Variants in PLCB4 observed in about 807,000 individuals in gnomAD.
PLCB4 encodes the protein 1-phosphatidylinositol 4,5-bisphosphate phosphodiesterase beta-4.
A neutral mutation model predicts 178.8 loss-of-function variants in PLCB4; 77 were observed. The observed-to-expected ratio is 0.43, with a 90% CI of 0.36 to 0.52. The LOEUF (loss-of-function observed/expected upper bound fraction) is 0.52. Among genes scored for constraint, PLCB4 ranks in the 20% least tolerant of loss-of-function variants. PLCB4 has a pLI of 0.00. For missense variants in PLCB4, 1,024 were observed against 1,453.4 expected (o/e 0.70, Z 4.80); for synonymous variants, 496 against 490.8 (o/e 1.01, Z -0.14).
At chr20:9,272,340 C>T (rs1439498527) in intron 3 of PLCB4, among the ~76,000 whole-genome samples, 2 of 152,064 alleles carry the variant, frequency 1.3e-5, no homozygotes, top group Non-Finnish European at 2.9e-5. Context: ...GGGCCTTGTA[C>T]CTAAAACATT....
At chr20:9,167,393 A>T (rs1346873113) in intron 2 of PLCB4, among the ~76,000 whole-genome samples, 1 of 152,182 alleles carries the variant, frequency 6.6e-6, no homozygotes, top group Non-Finnish European at 1.5e-5. Context: ...TTTCTTTTTC[A>T]TAATTAGTAA....
intron 1 of PLCB4, among the ~76,000 whole-genome samples, chr20:9,077,693 C>T (rs1176757763): frequency 6.6e-6 from 1 of 152,196 alleles, no homozygotes; most frequent in Non-Finnish European, 1.5e-5. Context: ...ACTCTAGACC[C>T]TTCCCAGCAG....
At chr20:9,417,184 T>C (rs2040308034) in intron 25 of PLCB4, among the ~76,000 whole-genome samples, 1 of 152,098 alleles carries the variant, frequency 6.6e-6, no homozygotes, top group South Asian at 2.1e-4. Context: ...ATTCTTTAAA[T>C]CTATGGTTAT....
At chr20:9,192,992 T>A (rs1477509701) in intron 2 of PLCB4, among the ~76,000 whole-genome samples, 1 of 152,198 alleles carries the variant, frequency 6.6e-6, no homozygotes, top group Non-Finnish European at 1.5e-5. Context: ...TAATCATCTG[T>A]ATGTAAAACA....
intron 4 of PLCB4, among the ~76,000 whole-genome samples, chr20:9,323,793 C>T (rs777891164): frequency 6.6e-6 from 1 of 152,192 alleles, no homozygotes; most frequent in Non-Finnish European, 1.5e-5. Flanking sequence ...CTGCTACAAC[C>T]GGGCCTTTCC....
intron 3 of PLCB4, among the ~76,000 whole-genome samples, chr20:9,278,936 C>T (rs186537850): frequency 6.6e-6 from 1 of 152,190 alleles, no homozygotes; most frequent in East Asian, 1.9e-4. Context: ...GAAAGATTCA[C>T]AGGTCCTGCC....
intron 3 of PLCB4, among the ~76,000 whole-genome samples, chr20:9,235,136 A>G (rs78417307): frequency 0.023 from 3,487 of 152,218 alleles, 140 homozygotes; most frequent in African/African-American, 0.077. Context: ...ATGGATAATG[A>G]AAGTGTGGTA....
chr20:9,204,563 A>G, intron 2 of PLCB4, among the ~76,000 whole-genome samples: 1 of 151,856 alleles, frequency 6.6e-6, no homozygotes, highest in Non-Finnish European at 1.5e-5. Flanking sequence ...GGGTTTTGCC[A>G]TGTTGGTCAG....
At chr20:9,175,089 T>C (rs1422179243) in intron 2 of PLCB4, among the ~76,000 whole-genome samples, 1 of 152,172 alleles carries the variant, frequency 6.6e-6, no homozygotes, top group African/African-American at 2.4e-5. Flanking sequence ...ACAGCATTGG[T>C]TGTCACCATC....
intron 24 of PLCB4, 101 bp from the exon 25 acceptor site, chr20:9,410,936 T>G: frequency 1.3e-6 from 1 of 771,508 alleles, no homozygotes. Flanking sequence ...GAGGGACCTG[T>G]GGGCCTAGGA....
At chr20:9,263,746 C>G (rs923655243) in intron 3 of PLCB4, among the ~76,000 whole-genome samples, 11 of 152,166 alleles carry the variant, frequency 7.2e-5, no homozygotes, top group African/African-American at 2.7e-4. Flanking sequence ...CTGCTAGAAA[C>G]TTGAGTTCAG....
At chr20:9,213,829 T>C (rs1016312575) in intron 2 of PLCB4, among the ~76,000 whole-genome samples, 1 of 152,228 alleles carries the variant, frequency 6.6e-6, no homozygotes, top group Non-Finnish European at 1.5e-5. Context: ...ACACTTGTTA[T>C]GTCTTTTGAT....
chr20:9,341,320 T>C (rs1238952243), intron 7 of PLCB4, among the ~76,000 whole-genome samples: 1 of 152,128 alleles, frequency 6.6e-6, no homozygotes, highest in Non-Finnish European at 1.5e-5. Context: ...CATGTATAAC[T>C]TTTGACTCCC....
intron 28 of PLCB4, among the ~76,000 whole-genome samples, chr20:9,431,606 C>G (rs1294414646): frequency 1.3e-5 from 2 of 151,664 alleles, no homozygotes; most frequent in Non-Finnish European, 2.9e-5. Context: ...GCTGGGATTA[C>G]AGGTGTGCAC....
intron 38 of PLCB4, 33 bp from the exon 39 acceptor site, chr20:9,476,684 T>C (rs747875218): frequency 6.6e-7 from 1 of 1,508,504 alleles, no homozygotes; most frequent in South Asian, 1.1e-5. Context: ...TATGTATGAC[T>C]CAATTTTGAC....
chr20:9,408,092 TG>T, intron 22 of PLCB4, 34 bp downstream of exon 22: 1 of 1,571,960 alleles, frequency 6.4e-7, no homozygotes, highest in East Asian at 2.2e-5. Flanking sequence ...TCGCCTTTTT[TG>T]CTTGATTTTC....
chr20:9,397,417 C>T (rs933215570), intron 19 of PLCB4, among the ~76,000 whole-genome samples: 20 of 152,146 alleles, frequency 1.3e-4, no homozygotes, highest in African/African-American at 4.8e-4. Flanking sequence ...CTCCTATGAA[C>T]GTTGATATTT....
chr20:9,113,888 C>T (rs1039941759), intron 2 of PLCB4, among the ~76,000 whole-genome samples: 2 of 151,952 alleles, frequency 1.3e-5, no homozygotes, highest in Admixed American at 6.6e-5. Flanking sequence ...AAGGGAGTGC[C>T]TAATCAAGCT....
intron 3 of PLCB4, among the ~76,000 whole-genome samples, chr20:9,286,839 C>A (rs1295977104): frequency 6.6e-6 from 1 of 151,960 alleles, no homozygotes; most frequent in African/African-American, 2.4e-5. Context: ...GACTTTCCAT[C>A]CCCTAGGATC....
Sources: gnomAD v4.1 joint callset for allele counts (sites outside exome capture counted in the v4.1 genomes callset) on GRCh38, gnomAD v4.1.1 for gene constraint, MANE v1.5 for transcripts, NCBI Gene and HGNC (gene_info 2026-07-23, HGNC 2026-07-21) for gene names.